Variants in CCDC3 observed in about 807,000 individuals in gnomAD.
CCDC3 encodes coiled-coil domain containing 3, also known as coiled-coil domain-containing protein 3.
A neutral mutation model predicts 21.4 loss-of-function variants in CCDC3; 24 were observed. The observed-to-expected ratio is 1.12, with a 90% CI of 0.81 to 1.58. The LOEUF (loss-of-function observed/expected upper bound fraction) is 1.58. Ranked by LOEUF, CCDC3 falls within the 40% of genes most tolerant of loss-of-function variation. CCDC3 has a pLI of 0.00. For missense variants in CCDC3, 425 were observed against 360.9 expected, an observed-to-expected ratio of 1.18 and a Z score of -1.44; for synonymous variants, 186 against 166.0, an observed-to-expected ratio of 1.12 and a Z score of -0.93.
chr10:12,953,726 C>T (rs1316285644), intron 2 of CCDC3, among the ~76,000 whole-genome samples: 1 of 152,168 alleles, frequency 6.6e-6, no homozygotes, highest in Non-Finnish European at 1.5e-5. Context: ...TCGAGGCACT[C>T]GGCCCCAGGC....
At chr10:12,971,005 G>C (rs1422035192) in intron 2 of CCDC3, among the ~76,000 whole-genome samples, 2 of 152,068 alleles carry the variant, frequency 1.3e-5, no homozygotes, top group Non-Finnish European at 1.5e-5. Context: ...TTTTAAATCT[G>C]GAATCTATCT....
At position 12,994,797 on chromosome 10, in the gene CCDC3, T is replaced by C. The variant is rs1239236303; in HGVS notation, c.549+3541A>G. ...GTTTTTTTAAGAAAAAAGCAGCAAG[T>C]AGGCCAGGCACGGTGGCTCACGCCT... On this transcript the variant is annotated intron_variant, in intron 2 of 2. Transcript: ENST00000378825. 2.6e-5 allele frequency among the ~76,000 whole-genome samples: 4 copies of C among 151,806 alleles called. 1 individual carries two copies. The highest frequency in any genetic ancestry group is 4.4e-5 in the Non-Finnish European group (3 of 67,950).
intron 4 of CCDC3, chr10:13,058,026 C>G: frequency 2.7e-6 from 2 of 734,166 alleles, no homozygotes; most frequent in Non-Finnish European, 5.0e-6. Context: ...TTCTTGTAAG[C>G]ATCTTCATCT....
intron 3 of CCDC3, among the ~76,000 whole-genome samples, chr10:13,081,183 T>A (rs1027992712): frequency 4.4e-4 from 59 of 133,960 alleles, no homozygotes; most frequent in African/African-American, 1.1e-3. Context: ...AAAAAAAAAA[T>A]ACCTATAGGT....
intron 2 of CCDC3, among the ~76,000 whole-genome samples, chr10:12,982,792 CAAAAAAA>C (rs61685162): frequency 5.7e-5 from 3 of 52,900 alleles, no homozygotes; most frequent in African/African-American, 1.9e-4. Flanking sequence ...GACTCTGTCT[CAAAAAAA>C]AAAAAAAAAA....
At chr10:13,053,268 C>T (rs1448605616) in intron 4 of CCDC3, among the ~76,000 whole-genome samples, 10 of 152,096 alleles carry the variant, frequency 6.6e-5, no homozygotes, top group African/African-American at 7.2e-5. Flanking sequence ...CACTGACTTA[C>T]GTAATAAAAG....
intron 5 of CCDC3, among the ~76,000 whole-genome samples, chr10:13,034,652 C>A (rs984184175): frequency 2.6e-5 from 4 of 151,930 alleles, no homozygotes; most frequent in African/African-American, 9.7e-5. Flanking sequence ...GTCCAGATTC[C>A]TCTAAACTAT....
At chr10:13,099,548 C>T (rs1364103323) in exon 1 of CCDC3, 1 of 151,928 alleles carries the variant, frequency 6.6e-6, no homozygotes, top group African/African-American at 2.4e-5. Context: ...TTCCCTCCTC[C>T]ACACCAGCAG....
chr10:12,962,771 C>G (rs567803127), intron 2 of CCDC3, among the ~76,000 whole-genome samples: 110 of 152,184 alleles, frequency 7.2e-4, no homozygotes, highest in African/African-American at 2.3e-3. Flanking sequence ...GAAAAACACT[C>G]AAAAATCATT....
chr10:12,964,135 G>C (rs1156793625), intron 2 of CCDC3, among the ~76,000 whole-genome samples: 2 of 152,110 alleles, frequency 1.3e-5, no homozygotes, highest in African/African-American at 4.8e-5. Context: ...CACTTTGGGA[G>C]GGTGAAGCAA....
At chr10:13,051,786 G>A (rs1836611225) in intron 4 of CCDC3, among the ~76,000 whole-genome samples, 1 of 152,102 alleles carries the variant, frequency 6.6e-6, no homozygotes, top group Non-Finnish European at 1.5e-5. Flanking sequence ...GTGAAGGGAA[G>A]GGGCATGGAG....
chr10:12,900,787 G>A (rs1021947121), intron 2 of CCDC3, among the ~76,000 whole-genome samples: 5 of 151,798 alleles, frequency 3.3e-5, no homozygotes, highest in African/African-American at 9.7e-5. Flanking sequence ...AGGCCAGGCT[G>A]CTTTGGTTTC....
At chr10:12,903,301 T>C (rs913689976) in intron 2 of CCDC3, among the ~76,000 whole-genome samples, 3 of 152,238 alleles carry the variant, frequency 2.0e-5, no homozygotes, top group African/African-American at 7.2e-5. Flanking sequence ...AAATCCTGTG[T>C]TTAAGAAAGC....
chr10:13,081,861 G>T (rs564761902), intron 3 of CCDC3, among the ~76,000 whole-genome samples: 2 of 152,352 alleles, frequency 1.3e-5, no homozygotes, highest in Admixed American at 6.5e-5. Context: ...CAGAGGTCCA[G>T]GTTGTCCCCT....
intron 3 of CCDC3, among the ~76,000 whole-genome samples, chr10:13,094,630 G>A (rs1246283424): frequency 3.3e-5 from 5 of 151,986 alleles, no homozygotes; most frequent in South Asian, 2.1e-4. Context: ...TTGGGAGGCC[G>A]AGGTGGAAGG....
intron 2 of CCDC3, among the ~76,000 whole-genome samples, chr10:12,955,971 GT>G (rs1465215020): frequency 6.6e-6 from 1 of 152,050 alleles, no homozygotes; most frequent in Non-Finnish European, 1.5e-5. Flanking sequence ...GCCTCCCAAA[GT>G]GCTGGGATTA....
In CCDC3 at chr10:12,955,909, T is replaced by C. The variant is rs181920824; in HGVS notation, c.549+42429A>G. 3.4e-4 allele frequency among the ~76,000 whole-genome samples: 52 copies of C among 152,210 alleles called. No homozygotes were observed. In the East Asian group the frequency reaches 8.5e-3, roughly 25 times the overall value. Reference sequence around the variant, plus strand: ...TTTTTAGTAGAGATGGGTTTCACCATGTTGGCAAGGCTGGCCTCAAACGCC... The same window carrying C: ...TTTTTAGTAGAGATGGGTTTCACCACGTTGGCAAGGCTGGCCTCAAACGCC... On this transcript the variant is annotated intron_variant, in intron 2 of 2. Coordinates refer to ENST00000378825, the MANE Select transcript of CCDC3 (RefSeq NM_031455.4).
intron 2 of CCDC3, among the ~76,000 whole-genome samples, chr10:12,921,427 C>T (rs1420679099): frequency 1.3e-5 from 2 of 152,196 alleles, no homozygotes; most frequent in Non-Finnish European, 2.9e-5. Context: ...AACCCCCTCC[C>T]CGACTCGTCC....
chr10:13,044,487 C>T (rs1333627657), intron 5 of CCDC3, among the ~76,000 whole-genome samples: 6 of 152,244 alleles, frequency 3.9e-5, no homozygotes, highest in Admixed American at 6.5e-5. Flanking sequence ...TAAGGTCTTA[C>T]GTTTAAATCC....
Sources: gnomAD v4.1 joint callset for allele counts (sites outside exome capture counted in the v4.1 genomes callset) on GRCh38, gnomAD v4.1.1 for gene constraint, MANE v1.5 for transcripts, NCBI Gene and HGNC (gene_info 2026-07-23, HGNC 2026-07-21) for gene names.